ZNF581: variants seen among roughly 807,000 people sequenced by gnomAD.
ZNF581 encodes zinc finger protein 581.
In ZNF581, 1 loss-of-function variant was observed where a neutral mutation model predicts 1.2. That is an observed-to-expected ratio of 0.83 (90% CI 0.30 to 3.95). The LOEUF is 3.95. ZNF581 is among the 30% of genes most tolerant of loss of function. The pLI, the probability that ZNF581 is intolerant of heterozygous loss-of-function variation, is 0.18. For synonymous variants in ZNF581, 105 were observed against 109.2 expected (o/e 0.96, Z 0.24); for missense variants, 273 against 274.6 (o/e 0.99, Z 0.04).
chr19:55,642,781 C>T, upstream of ZNF581: 1 of 1,555,188 alleles, frequency 6.4e-7, no homozygotes, highest in Non-Finnish European at 8.6e-7. Context: ...CTCGCAAGGG[C>T]TACAGCTGCC....
At chr19:55,641,062 C>T, upstream of ZNF581, 5 of 985,260 alleles carry the variant, frequency 5.1e-6, no homozygotes, top group Non-Finnish European at 6.0e-6. Context: ...CCCGCGTCCC[C>T]GGCGCCGCCG....
At chr19:55,640,562 C>A (rs577889365), upstream of ZNF581, 16 of 985,504 alleles carry the variant, frequency 1.6e-5, no homozygotes, top group Admixed American at 1.8e-4. Flanking sequence ...CAGCGTCTGG[C>A]CTTCTCCGGG....
At position 55,644,821 on chromosome 19, in the gene ZNF581, A is replaced by T. The variant is rs1982754223; in HGVS notation, c.250A>T (p.Lys84Ter). Residue 84 changes from lysine to a stop codon, truncating the protein, a stop_gained, in exon 2 of 2, where the codon AAA (lysine) becomes TAA (stop). Coordinates refer to ENST00000270451, the MANE Select transcript of ZNF581 (RefSeq NM_016535.4). LOFTEE classifies it low-confidence loss of function (END_TRUNC). The surrounding 1 kb of genome is among the most constrained non-coding windows in gnomAD (Gnocchi z 4.3). ...AGGGGCCAGTGGGGCTCCAGGCCAG[A>T]AAAAGTGCTACAGCTGCCCCGTGTG... ...EPGASGAPGQ[K>*]KCYSCPVCSR... is the part of the protein sequence containing the mutation. 3 of 1,612,256 alleles carry T rather than the reference A, an allele frequency of 1.9e-6. No homozygotes were observed. In the African/African-American group the frequency reaches 4.0e-5, roughly 22 times the overall value.
At chr19:55,642,463 C>T (rs748293905), upstream of ZNF581, 105 of 1,397,772 alleles carry the variant, frequency 7.5e-5, no homozygotes, top group Non-Finnish European at 1.3e-5. Context: ...AAGGAAGTGG[C>T]AATTTTAACT....
At chr19:55,640,305 C>T (rs987975036), upstream of ZNF581, 184 of 985,366 alleles carry the variant, frequency 1.9e-4, no homozygotes, top group Non-Finnish European at 5.5e-5. Context: ...GCGCCCGGGC[C>T]TCAAGTGCCC....
chr19:55,636,583 A>G (rs1982105185), upstream of ZNF581, among the ~76,000 whole-genome samples: 1 of 152,126 alleles, frequency 6.6e-6, no homozygotes, highest in Non-Finnish European at 1.5e-5. Flanking sequence ...GACCTTTGAT[A>G]GATTCTGAGG....
chr19:55,636,034 A>G (rs1355471508), upstream of ZNF581, among the ~76,000 whole-genome samples: 5 of 152,152 alleles, frequency 3.3e-5, no homozygotes, highest in Non-Finnish European at 5.9e-5. Context: ...GAGCACAGGA[A>G]TGAGAAGTGA....
At chr19:55,642,154 CAG>C, upstream of ZNF581, 1 of 1,056,308 alleles carries the variant, frequency 9.5e-7, no homozygotes, top group Non-Finnish European at 1.1e-6. Context: ...AAGAGGTAAA[CAG>C]ATTTAGGGAT....
chr19:55,641,286 C>G, upstream of ZNF581: 2 of 744,456 alleles, frequency 2.7e-6, no homozygotes, highest in Non-Finnish European at 3.3e-6. Context: ...GGGTGGGGGT[C>G]GGGAGCGGCA....
At position 55,645,097 on chromosome 19, in the gene ZNF581, C is replaced by T; in HGVS notation, c.526C>T (p.Pro176Ser). ...CTCTGGGGAACGCCCGTTTCAGTGTCCACACTGCCCTCGCCGCTTTATGGA... is the reference window on the plus strand; with the variant it reads ...CTCTGGGGAACGCCCGTTTCAGTGTTCACACTGCCCTCGCCGCTTTATGGA... Reference protein sequence around the residue: ...VHSGERPFQCPHCPRRFMEQN... With the variant: ...VHSGERPFQCSHCPRRFMEQN... Residue 176 changes from proline (P) to serine (S), a missense_variant, in exon 2 of 2, where the codon CCA (proline) becomes TCA (serine). Pro to Ser is a moderately conservative substitution (Grantham distance 74). Coordinates refer to ENST00000270451, the MANE Select transcript of ZNF581 (RefSeq NM_016535.4). 5 of 1,544,172 alleles carry T rather than the reference C, an allele frequency of 3.2e-6. No homozygotes were observed. Among genetic ancestry groups the T allele is most frequent in the South Asian group, 1.2e-5 (1 of 81,972 alleles).
At chr19:55,639,579 C>T (rs1024474141), upstream of ZNF581, among the ~76,000 whole-genome samples, 2 of 152,164 alleles carry the variant, frequency 1.3e-5, no homozygotes, top group African/African-American at 2.4e-5. Context: ...TGGAATTGTT[C>T]CATAAGGTAG....
upstream of ZNF581, chr19:55,640,043 CAG>C (rs1464506103): frequency 3.8e-6 from 3 of 782,642 alleles, no homozygotes; most frequent in Non-Finnish European, 4.7e-6. Context: ...TTCTGATGGA[CAG>C]TGCTCTAGGA....
upstream of ZNF581, chr19:55,642,572 C>G (rs1380942779): frequency 3.4e-6 from 5 of 1,451,508 alleles, no homozygotes; most frequent in Non-Finnish European, 4.5e-6. Flanking sequence ...CATGGACCCA[C>G]CGCCCCCCAA....
chr19:55,642,684 A>G (rs781743244), upstream of ZNF581: 27 of 1,442,084 alleles, frequency 1.9e-5, no homozygotes, highest in Admixed American at 2.8e-4. Flanking sequence ...ATCGACGCCA[A>G]TGGGGTCCCC....
chr19:55,639,955 T>TA (rs1982344880), upstream of ZNF581, among the ~76,000 whole-genome samples: 1 of 152,236 alleles, frequency 6.6e-6, no homozygotes, highest in South Asian at 2.1e-4. Context: ...GGTCCTCTGA[T>TA]ACACCAGCCA....
At chr19:55,642,680 G>T (rs2123630726), upstream of ZNF581, 1 of 1,433,700 alleles carries the variant, frequency 7.0e-7, no homozygotes, top group Non-Finnish European at 9.2e-7. Flanking sequence ...CCTCATCGAC[G>T]CCAATGGGGT....
Position 55,644,896 on chromosome 19 carries a change from C to A in ZNF581, c.325C>A (p.His109Asn). Reference sequence around the variant, plus strand: ...CTACCTTCAGCGACACAGCATCACCCACTCGGAGGTAAAGCCCTTCGAGTG... The same window carrying A: ...CTACCTTCAGCGACACAGCATCACCAACTCGGAGGTAAAGCCCTTCGAGTG... The part of the protein sequence containing the change: ...MSYLQRHSIT[H>N]SEVKPFECDI... Residue 109 changes from histidine (H) to asparagine (N), a missense_variant, in exon 2 of 2, where the codon CAC (histidine) becomes AAC (asparagine). Physicochemically the swap from His to Asn is moderately conservative, Grantham distance 68 (BLOSUM62 1). Transcript: ENST00000270451. This position sits in a 1 kb window ranked among gnomAD's most constrained non-coding sequence, Gnocchi z 4.3. 6.2e-7 allele frequency: 1 copy of A among 1,613,992 alleles called. No individual in the cohort carries two copies. The highest frequency in any genetic ancestry group is 8.5e-7 in the Non-Finnish European group (1 of 1,179,904).
upstream of ZNF581, chr19:55,640,231 C>T (rs1982368263): frequency 1.0e-6 from 1 of 985,340 alleles, no homozygotes; most frequent in African/African-American, 1.7e-5. Context: ...GTGCAGCTCT[C>T]CAGTGCGGCT....
upstream of ZNF581, chr19:55,642,694 C>T (rs1414028347): frequency 2.0e-6 from 3 of 1,478,320 alleles, no homozygotes; most frequent in Non-Finnish European, 2.7e-6. Context: ...ATGGGGTCCC[C>T]TACACATACA....
Sources: gnomAD v4.1 joint callset for allele counts (sites outside exome capture counted in the v4.1 genomes callset) on GRCh38, gnomAD v4.1.1 for gene constraint, Gnocchi (gnomAD v3.1) non-coding constraint, MANE v1.5 for transcripts, NCBI Gene and HGNC (gene_info 2026-07-23, HGNC 2026-07-21) for gene names.